The following ADARB2 variants were observed in gnomAD, a reference collection of about 807,000 sequenced individuals.
ADARB2 encodes adenosine deaminase RNA specific B2 (inactive), also known as inactive double-stranded RNA-specific editase B2.
ADARB2 carries 25 observed loss-of-function variants against 62.2 expected under a neutral mutation model. The ratio of observed to expected loss-of-function variants is 0.40; its 90% CI spans 0.29 to 0.56. ADARB2 has a LOEUF of 0.56. ADARB2 is among the 20% of genes least tolerant of loss of function. ADARB2 has a pLI of 0.43. For missense variants in ADARB2, 1,071 were observed against 1,077.4 expected, an observed-to-expected ratio of 0.99 and a Z score of 0.08; for synonymous variants, 572 against 500.8, an observed-to-expected ratio of 1.14 and a Z score of -1.90.
rs538985182 is a variant in ADARB2 at position 1,341,968 on chromosome 10, C to T, written c.1077+21060G>A. On this transcript the variant is annotated intron_variant, in intron 3 of 9. Coordinates refer to ENST00000381312, the MANE Select transcript of ADARB2 (RefSeq NM_018702.4). ...CTTTTTCCTGAGCCACTTTCACCCT[C>T]TCACTCTTCTTTCTGATGTGTGCAC... is the stretch of plus-strand genomic sequence containing the variant. 1.2e-4 allele frequency among the ~76,000 whole-genome samples: 18 copies of T among 152,356 alleles called. No individual in the cohort carries two copies. The South Asian group carries it at 2.9e-3, about 25-fold the overall frequency.
intron 3 of ADARB2, among the ~76,000 whole-genome samples, chr10:1,330,003 A>C (rs2131833339): frequency 7.0e-6 from 1 of 142,334 alleles, no homozygotes; most frequent in Admixed American, 7.5e-5. Flanking sequence ...GGGCTGGATG[A>C]CCTGTTCAAT....
chr10:1,200,492 T>G, intron 7 of ADARB2: 2 of 462,584 alleles, frequency 4.3e-6, no homozygotes, highest in Non-Finnish European at 7.6e-6. Context: ...TTTTTCTTTA[T>G]ATTAGCTGGG....
chr10:1,731,562 T>C (rs886458233), intron 1 of ADARB2, among the ~76,000 whole-genome samples: 1 of 152,258 alleles, frequency 6.6e-6, no homozygotes, highest in South Asian at 2.1e-4. Flanking sequence ...TATTGGTATG[T>C]TCTTAATTGA....
chr10:1,187,754 C>T (rs137925472), intron 8 of ADARB2: 74 of 331,964 alleles, frequency 2.2e-4, no homozygotes, highest in African/African-American at 1.4e-3. Flanking sequence ...CTCCACACTC[C>T]GGGGACAGAA....
chr10:1,625,390 C>T (rs536444792), intron 1 of ADARB2, among the ~76,000 whole-genome samples: 20 of 152,344 alleles, frequency 1.3e-4, no homozygotes, highest in African/African-American at 4.8e-4. Flanking sequence ...GCTGGCCCAT[C>T]AGGGGCAGCT....
intron 6 of ADARB2, among the ~76,000 whole-genome samples, chr10:1,232,679 ACGTGTGTGGTATATGTGG>A (rs1564229273): frequency 6.9e-6 from 1 of 145,642 alleles, no homozygotes; most frequent in African/African-American, 2.6e-5. Context: ...GGTGCTTGTG[ACGTGTGTGGTATATGTGG>A]TGTGTGCAGT....
intron 1 of ADARB2, chr10:1,535,786 G>A (rs1588291906): frequency 6.0e-6 from 1 of 167,134 alleles, no homozygotes; most frequent in African/African-American, 2.4e-5. Flanking sequence ...CTTCTCACCT[G>A]GTGAGCAGTG....
At chr10:1,604,543 G>A (rs1010299977) in intron 1 of ADARB2, among the ~76,000 whole-genome samples, 1 of 152,130 alleles carries the variant, frequency 6.6e-6, no homozygotes, top group Non-Finnish European at 1.5e-5. Context: ...GCACTGCCAC[G>A]GTTTACGTTT....
intron 1 of ADARB2, among the ~76,000 whole-genome samples, chr10:1,567,071 A>C (rs1327686165): frequency 1.3e-5 from 2 of 152,016 alleles, no homozygotes; most frequent in African/African-American, 4.8e-5. Context: ...GAATTGTGGA[A>C]GTTTAGAGAG....
intron 1 of ADARB2, among the ~76,000 whole-genome samples, chr10:1,672,378 C>A (rs1834397596): frequency 6.6e-6 from 1 of 152,150 alleles, no homozygotes; most frequent in Non-Finnish European, 1.5e-5. Context: ...AGGAACGCTG[C>A]TGATTCCCTC....
intron 1 of ADARB2, among the ~76,000 whole-genome samples, chr10:1,586,114 C>A (rs10903501): frequency 0.16 from 24,023 of 152,058 alleles, 2,284 homozygotes; most frequent in East Asian, 0.39. Context: ...GTCATCAGGA[C>A]CTACTGAGGC....
intron 1 of ADARB2, among the ~76,000 whole-genome samples, chr10:1,537,442 C>T (rs537896974): frequency 2.0e-5 from 3 of 152,314 alleles, no homozygotes; most frequent in Admixed American, 6.5e-5. Flanking sequence ...TACCATTTGG[C>T]CCAGCAATCC....
At chr10:1,626,528 T>C (rs1225816012) in intron 1 of ADARB2, among the ~76,000 whole-genome samples, 2 of 152,164 alleles carry the variant, frequency 1.3e-5, no homozygotes, top group Non-Finnish European at 2.9e-5. Context: ...TGCCTGGCCC[T>C]CCTCCCGTGG....
rs1018551149 is a variant in ADARB2, at chr10:1,183,102, C to T, written c.*91G>A. The T allele has an allele frequency of 4.2e-6, 6 of 1,439,368 alleles. No individual in the cohort carries two copies. Among genetic ancestry groups the T allele is most frequent in the Non-Finnish European group, 3.8e-6 (4 of 1,062,966 alleles). 89.2% of individuals were successfully genotyped at this position (1,439,368 alleles called of 1,614,324 possible). On this transcript the variant is annotated 3_prime_UTR_variant, in exon 10 of 10. Transcript: ENST00000381312. ...CTGGGACACCAAAGTAAAACGAATG[C>T]AGGGAACCGGCCGACCCGCCACGTC...
intron 1 of ADARB2, among the ~76,000 whole-genome samples, chr10:1,428,845 A>C (rs1010532730): frequency 6.6e-6 from 1 of 151,946 alleles, no homozygotes; most frequent in South Asian, 2.1e-4. Flanking sequence ...ACGCAATCCC[A>C]CACACACATA....
At chr10:1,457,806 A>C (rs1006443525) in intron 1 of ADARB2, among the ~76,000 whole-genome samples, 14 of 152,070 alleles carry the variant, frequency 9.2e-5, no homozygotes, top group African/African-American at 3.1e-4. Context: ...GTGGAATCTC[A>C]CCCTGACAAT....
intron 3 of ADARB2, among the ~76,000 whole-genome samples, chr10:1,356,003 G>A (rs902454917): frequency 6.6e-6 from 1 of 152,118 alleles, no homozygotes; most frequent in Non-Finnish European, 1.5e-5. Context: ...ATGCATAAAT[G>A]TATTGTTAAG....
At chr10:1,637,001 A>C (rs1833924710) in intron 1 of ADARB2, among the ~76,000 whole-genome samples, 1 of 151,704 alleles carries the variant, frequency 6.6e-6, no homozygotes, top group Non-Finnish European at 1.5e-5. Context: ...TTACAATAAC[A>C]GTCTTTCTTT....
At chr10:1,606,204 T>A (rs977873130) in intron 1 of ADARB2, among the ~76,000 whole-genome samples, 1 of 152,164 alleles carries the variant, frequency 6.6e-6, no homozygotes, top group African/African-American at 2.4e-5. Context: ...CCCAGCACCT[T>A]TCTGGGGGCC....
Sources: allele counts gnomAD v4.1 joint callset (sites outside exome capture counted in the v4.1 genomes callset), GRCh38; gene constraint gnomAD v4.1.1; transcripts MANE v1.5; gene names NCBI Gene and HGNC (gene_info 2026-07-23, HGNC 2026-07-21).